The following MYOM1 variants were observed in gnomAD, a reference collection of about 807,000 sequenced individuals.
The protein encoded by MYOM1 is myomesin-1.
MYOM1 carries 164 observed loss-of-function variants against 205.3 expected under a neutral mutation model. That is an observed-to-expected ratio of 0.80 (90% CI 0.70 to 0.91). The LOEUF is 0.91. MYOM1 is among the 40% of genes least tolerant of loss of function. The pLI, the probability that MYOM1 is intolerant of heterozygous loss-of-function variation, is 0.00. For synonymous variants in MYOM1, 772 were observed against 789.4 expected (o/e 0.98, Z 0.37); for missense variants, 2,011 against 2,127.3 (o/e 0.95, Z 1.08).
chr18:3,090,594 C>A, intron 27 of MYOM1, 64 bp downstream of exon 27: 1 of 1,580,250 alleles, frequency 6.3e-7, no homozygotes, highest in Non-Finnish European at 8.6e-7. Flanking sequence ...ACTTTTGTGC[C>A]ATGGGGTACT....
intron 18 of MYOM1, among the ~76,000 whole-genome samples, chr18:3,127,305 A>ATTTTTTTTTT (rs1555620545): frequency 8.4e-5 from 4 of 47,572 alleles, no homozygotes; most frequent in African/African-American, 1.8e-4. Context: ...ATATATATAT[A>ATTTTTTTTTT]TTTTTTTTTT....
At chr18:3,234,257 A>G in the MYOM1 span, among the ~76,000 whole-genome samples, 6 of 152,240 alleles carry the variant, frequency 3.9e-5, no homozygotes, top group Admixed American at 1.3e-4. Context: ...TAGCTAATGT[A>G]AAAGTAATAT....
intron 8 of MYOM1, 95 bp downstream of exon 8, chr18:3,173,843 A>C: frequency 9.4e-7 from 1 of 1,062,978 alleles, no homozygotes; most frequent in Non-Finnish European, 1.4e-6. Context: ...ATACTATGTT[A>C]TATATAGTAT....
At chr18:3,186,890 AAG>A (rs143781844) in intron 5 of MYOM1, among the ~76,000 whole-genome samples, 2,965 of 151,412 alleles carry the variant, frequency 0.02, 116 homozygotes, top group African/African-American at 0.068. Flanking sequence ...GAAAGAAAGA[AAG>A]AGAAAGAAGG....
intron 18 of MYOM1, among the ~76,000 whole-genome samples, chr18:3,127,990 C>T (rs1297735790): frequency 6.6e-6 from 1 of 152,016 alleles, no homozygotes; most frequent in Non-Finnish European, 1.5e-5. Flanking sequence ...TTACAGTTTT[C>T]AATGAAGAGA....
intron 14 of MYOM1, among the ~76,000 whole-genome samples, chr18:3,141,369 T>C (rs2080046190): frequency 6.6e-6 from 1 of 152,222 alleles, no homozygotes; most frequent in Admixed American, 6.5e-5. Context: ...AATTGTAAGA[T>C]ATCTGGGAAA....
intron 6 of MYOM1, among the ~76,000 whole-genome samples, chr18:3,174,784 C>G (rs557427240): frequency 3.5e-4 from 54 of 152,182 alleles, no homozygotes; most frequent in Non-Finnish European, 5.9e-4. Flanking sequence ...CAAAGCTCAT[C>G]TAAGTTATTT....
intron 25 of MYOM1, among the ~76,000 whole-genome samples, chr18:3,098,794 A>T (rs1431996617): frequency 6.6e-6 from 1 of 152,202 alleles, no homozygotes; most frequent in East Asian, 1.9e-4. Context: ...CACTCATGAT[A>T]TTACTTTTCC....
At chr18:3,133,508 T>C (rs2143899616) in intron 16 of MYOM1, among the ~76,000 whole-genome samples, 1 of 152,308 alleles carries the variant, frequency 6.6e-6, no homozygotes, top group South Asian at 2.1e-4. Context: ...TTATTCTGAA[T>C]GTCTTTGTTT....
At chr18:3,180,931 T>A (rs1037239337) in intron 5 of MYOM1, among the ~76,000 whole-genome samples, 1 of 151,998 alleles carries the variant, frequency 6.6e-6, no homozygotes, top group Non-Finnish European at 1.5e-5. Context: ...TGATCTTTTT[T>A]TTTTTTTTTG....
intron 2 of MYOM1, among the ~76,000 whole-genome samples, chr18:3,195,091 G>A (rs1292628073): frequency 6.6e-6 from 1 of 152,028 alleles, no homozygotes; most frequent in African/African-American, 2.4e-5. Flanking sequence ...AAAAGCAAAA[G>A]GGATTACCTA....
At chr18:3,203,547 C>T (rs559984580) in intron 2 of MYOM1, among the ~76,000 whole-genome samples, 13 of 151,712 alleles carry the variant, frequency 8.6e-5, no homozygotes, top group African/African-American at 2.9e-4. Context: ...AGGAAAATTC[C>T]TATAAAGACT....
the MYOM1 span, among the ~76,000 whole-genome samples, chr18:3,242,011 T>C: frequency 6.6e-6 from 1 of 152,186 alleles, no homozygotes; most frequent in Non-Finnish European, 1.5e-5. Flanking sequence ...TGTACCCCCC[T>C]TGTATCTAGG....
At chr18:3,083,945 G>A in intron 32 of MYOM1, 44 bp downstream of exon 32, 3 of 1,581,258 alleles carry the variant, frequency 1.9e-6, no homozygotes, top group Non-Finnish European at 2.6e-6. Flanking sequence ...CCTCCTGGCA[G>A]GAGGATCATA....
intron 13 of MYOM1, 96 bp from the exon 14 acceptor site, chr18:3,142,159 A>T (rs1467070028): frequency 7.1e-7 from 1 of 1,405,534 alleles, no homozygotes; most frequent in Non-Finnish European, 9.7e-7. Context: ...AGGAAGAGTT[A>T]ATTATGTCTC....
At position 3,126,869 on chromosome 18, in the gene MYOM1, G is replaced by A. The variant is rs1218046133; in HGVS notation, c.2823C>T (p.Thr941=). 10 of 1,611,956 alleles carry A rather than the reference G, an allele frequency of 6.2e-6. No homozygotes were observed. Among genetic ancestry groups the A allele is most frequent in the Non-Finnish European group, 6.8e-6 (8 of 1,179,030 alleles). Residue 941 remains threonine (T), a synonymous_variant, in exon 19 of 38, where the codon ACC becomes ACT. Transcript: ENST00000356443. ...RAPPSPPCDI[T]CLESFRDSMV... ...TTGAGTCACGAAAACTTTCAAGACA[G>A]GTGATATCACAGGGTGGAGATGGTG...
chr18:3,189,025 T>C lies in MYOM1; in HGVS notation c.494A>G (p.Tyr165Cys), dbSNP rs775138562. 5.6e-6 allele frequency: 9 copies of C among 1,613,768 alleles called. No homozygotes were observed. Among genetic ancestry groups the C allele is most frequent in the Non-Finnish European group, 7.6e-6 (9 of 1,179,864 alleles). Residue 165 changes from tyrosine (Y) to cysteine (C), a missense_variant, in exon 4 of 38, where the codon TAT becomes TGT. Transcript: ENST00000356443. The surrounding 1 kb of genome is among the most constrained non-coding windows in gnomAD (Gnocchi z 4.8). ...AGCAAGAAGATTCCTCTGGGCTATA[T>C]AAGCAGCAGCTTCTTTAATTCTTTC... ...EEERIKEAAAYIAQRNLLASE... is the reference protein window; with the variant it reads ...EEERIKEAAACIAQRNLLASE...
Position 3,069,092 on chromosome 18 carries a change from T to C in MYOM1, c.4765-1537A>G, listed in dbSNP as rs75748835. 4.2e-3 allele frequency among the ~76,000 whole-genome samples: 638 copies of C among 152,214 alleles called. 4 individuals carry two copies. The highest frequency in any genetic ancestry group is 0.015 in the African/African-American group (606 of 41,534). ...ACCCAGCCCATGTTTTCTTTTTTTT[T>C]CCCAGAAATTGCCAAACGGTTTTTC... On this transcript the variant is annotated intron_variant, in intron 37 of 37. Coordinates refer to ENST00000356443, the MANE Select transcript of MYOM1 (RefSeq NM_003803.4).
intron 26 of MYOM1, chr18:3,093,498 G>A (rs777024193): frequency 3.3e-5 from 5 of 152,020 alleles, no homozygotes; most frequent in Non-Finnish European, 5.9e-5. Context: ...TCAAACAGAC[G>A]TACACACAGA....
Sources: allele counts gnomAD v4.1 joint callset (sites outside exome capture counted in the v4.1 genomes callset), GRCh38; gene constraint gnomAD v4.1.1; non-coding constraint Gnocchi (gnomAD v3.1); transcripts MANE v1.5; gene names NCBI Gene and HGNC (gene_info 2026-07-23, HGNC 2026-07-21).